ANK3: variants seen among roughly 807,000 people sequenced by gnomAD.
ANK3 encodes ankyrin-3.
In ANK3, 57 loss-of-function variants were observed where a neutral mutation model predicts 370.9. That is an observed-to-expected ratio of 0.15 (90% CI 0.12 to 0.19). ANK3 has a LOEUF of 0.19. Among genes scored for constraint, ANK3 ranks in the 10% least tolerant of loss-of-function variants. ANK3 has a pLI of 1.00. For missense variants in ANK3, 4,439 were observed against 5,302.1 expected (o/e 0.84, Z 5.06); for synonymous variants, 1,929 against 1,946.3 (o/e 0.99, Z 0.23).
At chr10:60,471,106 C>T (rs4466779) in intron 2 of ANK3, among the ~76,000 whole-genome samples, 35,110 of 151,956 alleles carry the variant, frequency 0.23, 4,370 homozygotes, top group East Asian at 0.48. Context: ...ACAAAAAAGA[C>T]CCCAAATCAC....
chr10:60,208,289 C>T, intron 9 of ANK3, 56 bp from the exon 10 acceptor site: 1 of 1,506,782 alleles, frequency 6.6e-7, no homozygotes, highest in Non-Finnish European at 9.2e-7. Flanking sequence ...CACAAATGTG[C>T]AGAACACAAA....
chr10:60,418,711 G>A lies in ANK3; in HGVS notation c.97-139072C>T, dbSNP rs146629406. 2.5e-3 allele frequency among the ~76,000 whole-genome samples: 371 copies of A among 149,090 alleles called. 2 individuals are homozygous for A. Among genetic ancestry groups the A allele is most frequent in the African/African-American group, 8.7e-3 (351 of 40,570 alleles). ...CCAATATTGCATGGGACATACTTAC[G>A]CTAGAAAAAAAAAAAAGCCTTGTTT... On this transcript the variant is annotated intron_variant, in intron 2 of 43. Transcript: ENST00000373827.
In ANK3 at chr10:60,677,386, A is replaced by G. The variant is rs146014993; in HGVS notation, c.57+55877T>C. 4.7e-3 allele frequency among the ~76,000 whole-genome samples: 712 copies of G among 152,344 alleles called. 16 individuals carry two copies. Among genetic ancestry groups the G allele is most frequent in the East Asian group, 9.4e-3 (49 of 5,192 alleles). ...TACATTTTTCTAGATTTAAATCAGTACATGCTACTGCCCAGAGATATTAGT... is the reference window on the plus strand; with the variant it reads ...TACATTTTTCTAGATTTAAATCAGTGCATGCTACTGCCCAGAGATATTAGT... On this transcript the variant is annotated intron_variant, in intron 1 of 43. Transcript: ENST00000373827.
Position 60,084,714 on chromosome 10 carries a change from T to C in ANK3, c.3962A>G (p.Asn1321Ser), listed in dbSNP as rs767184583. ...TCGCAAGGAAGATTCTACGGGATCA[T>C]TCATTTTGGCAAAAACAACAAACTT... ...MAKFVVFAKM[N>S]DPVESSLRCF... is the part of the protein sequence containing the mutation. Residue 1321 changes from asparagine (N) to serine (S), a missense_variant, in exon 32 of 44, where the codon AAT becomes AGT. By Grantham distance (46) the Asn-to-Ser change is conservative. This residue lies in a region of ANK3 where 702 missense variants were observed against 941.5 expected (regional missense o/e 0.75). Coordinates refer to ENST00000280772, the MANE Select transcript of ANK3 (RefSeq NM_020987.5). The C allele has an allele frequency of 1.9e-6, 3 of 1,613,798 alleles. No homozygotes were observed. The South Asian group carries it at 3.3e-5, about 18-fold the overall frequency.
At chr10:60,565,621 C>T (rs530705387) in intron 2 of ANK3, among the ~76,000 whole-genome samples, 118 of 152,318 alleles carry the variant, frequency 7.7e-4, no homozygotes, top group African/African-American at 2.7e-3. Flanking sequence ...ACTCTATAGT[C>T]CAAATATACA....
In ANK3 at chr10:60,469,575, G is replaced by GTATA. The variant is rs1164081698; in HGVS notation, c.96+145607_96+145610dup. 6.7e-3 allele frequency among the ~76,000 whole-genome samples: 8 copies of GTATA among 1,198 alleles called. 1 individual carries two copies. The highest frequency in any genetic ancestry group is 0.032 in the Admixed American group (3 of 94). 0.8% of individuals were successfully genotyped at this position (1,198 alleles called of 152,430 possible). On this transcript the variant is annotated intron_variant, in intron 2 of 43. Coordinates refer to the ANK3 transcript ENST00000373827. The stretch of plus-strand genomic sequence containing the variant: ...TATATATATATATATATATATGGTG[G>GTATA]TATATATATATATATATATATGGTG...
intron 8 of ANK3, among the ~76,000 whole-genome samples, chr10:60,217,576 G>A (rs1389661817): frequency 2.0e-5 from 3 of 152,164 alleles, no homozygotes; most frequent in East Asian, 1.9e-4. Context: ...AGTTTTCAGC[G>A]AGTTTCTTAA....
intron 1 of ANK3, among the ~76,000 whole-genome samples, chr10:60,674,066 C>G (rs2079095188): frequency 6.6e-6 from 1 of 151,912 alleles, no homozygotes; most frequent in African/African-American, 2.4e-5. Flanking sequence ...TTGCGGGTTC[C>G]AAACTAAAGT....
At chr10:60,317,252 G>T (rs2047646367) in intron 1 of ANK3, among the ~76,000 whole-genome samples, 1 of 152,064 alleles carries the variant, frequency 6.6e-6, no homozygotes, top group African/African-American at 2.4e-5. Context: ...AGCCTACTGA[G>T]TAGCTGGGAT....
intron 23 of ANK3, among the ~76,000 whole-genome samples, chr10:60,149,572 T>C (rs2094993846): frequency 6.6e-6 from 1 of 152,192 alleles, no homozygotes; most frequent in Non-Finnish European, 1.5e-5. Context: ...CACTCTATCA[T>C]AGCTTCTTGG....
upstream of ANK3, among the ~76,000 whole-genome samples, chr10:60,391,437 T>C (rs2063091562): frequency 6.6e-6 from 1 of 152,234 alleles, no homozygotes; most frequent in Admixed American, 6.5e-5. Context: ...AATGAGTGTT[T>C]TTCTACTAAG....
intron 42 of ANK3, among the ~76,000 whole-genome samples, chr10:60,053,015 A>G (rs1331237320): frequency 1.3e-5 from 2 of 152,206 alleles, no homozygotes; most frequent in African/African-American, 2.4e-5. Flanking sequence ...CACCTCAACA[A>G]ACCACCCCAC....
At position 60,595,883 on chromosome 10, in the gene ANK3, T is replaced by C. The variant is rs190835316; in HGVS notation, c.96+19303A>G. Among the ~76,000 whole-genome samples, 115 of 152,288 alleles carry C rather than the reference T, an allele frequency of 7.6e-4. 1 individual carries two copies. The highest frequency in any genetic ancestry group is 2.6e-3 in the African/African-American group (110 of 41,558). On this transcript the variant is annotated intron_variant, in intron 2 of 43. Coordinates refer to the ANK3 transcript ENST00000373827. ...TGTCAGATTTTTCTCACTATCATAATTTTTGCCAAGGTAGTTTCATTTTCC... is the reference window on the plus strand; with the variant it reads ...TGTCAGATTTTTCTCACTATCATAACTTTTGCCAAGGTAGTTTCATTTTCC...
At chr10:60,706,653 T>C (rs553014738) in intron 1 of ANK3, among the ~76,000 whole-genome samples, 1 of 152,188 alleles carries the variant, frequency 6.6e-6, no homozygotes, top group Non-Finnish European at 1.5e-5. Context: ...CATCTCTCCT[T>C]CGTATTTTAG....
At chr10:60,273,428 C>A (rs149058508) in intron 4 of ANK3, among the ~76,000 whole-genome samples, 3 of 152,040 alleles carry the variant, frequency 2.0e-5, no homozygotes, top group East Asian at 1.9e-4. Context: ...ATTGGGCAAC[C>A]CTTCCCACTA....
At chr10:60,481,598 G>A (rs900074518) in intron 2 of ANK3, among the ~76,000 whole-genome samples, 2 of 152,082 alleles carry the variant, frequency 1.3e-5, no homozygotes, top group Non-Finnish European at 2.9e-5. Flanking sequence ...GAGTAGCTGG[G>A]ATCACAGGTG....
chr10:60,293,293 T>C (rs1184476746), intron 1 of ANK3, among the ~76,000 whole-genome samples: 3 of 152,170 alleles, frequency 2.0e-5, no homozygotes. Flanking sequence ...TTTACATACA[T>C]ACCCTCGGCT....
intron 1 of ANK3, among the ~76,000 whole-genome samples, chr10:60,336,090 C>CGGGGG (rs112016027): frequency 8.7e-5 from 13 of 148,782 alleles, no homozygotes; most frequent in African/African-American, 3.3e-4. Context: ...CATAGTTTGG[C>CGGGGG]GGGGGGGGGA....
chr10:60,565,102 AC>A (rs1365370980), intron 2 of ANK3, among the ~76,000 whole-genome samples: 1 of 152,116 alleles, frequency 6.6e-6, no homozygotes, highest in African/African-American at 2.4e-5. Context: ...AAATGATGGT[AC>A]AAAAGTAAAG....
Sources: allele counts gnomAD v4.1 joint callset (sites outside exome capture counted in the v4.1 genomes callset), GRCh38; gene constraint gnomAD v4.1.1; regional missense constraint gnomAD v4.1.1; transcripts MANE v1.5; gene names NCBI Gene and HGNC (gene_info 2026-07-23, HGNC 2026-07-21).